The following AGAP1 variants were observed in gnomAD, a reference collection of about 807,000 sequenced individuals.
AGAP1 encodes the protein ArfGAP with GTPase domain, ankyrin repeat and PH domain 1.
AGAP1 carries 29 observed loss-of-function variants against 105.3 expected under a neutral mutation model. The ratio of observed to expected loss-of-function variants is 0.28; its 90% CI spans 0.21 to 0.38. The LOEUF is 0.38. Among genes scored for constraint, AGAP1 ranks in the 10% least tolerant of loss-of-function variants. AGAP1 has a pLI of 1.00. For missense variants in AGAP1, 998 were observed against 1,165.1 expected (o/e 0.86, Z 2.09); for synonymous variants, 509 against 485.9 (o/e 1.05, Z -0.63).
chr2:235,866,876 C>T lies in AGAP1; in HGVS notation c.1051-16469C>T, dbSNP rs2049195296. On this transcript the variant is annotated intron_variant, in intron 9 of 17. Coordinates refer to ENST00000304032, the MANE Select transcript of AGAP1 (RefSeq NM_001037131.3). The surrounding 1 kb of genome is among the most constrained non-coding windows in gnomAD (Gnocchi z 6.1). The stretch of plus-strand genomic sequence containing the variant: ...ACAGTCATATTGGATTAGGGCCCAT[C>T]CTAACAGCCTTATTTTAACATAATT... 6.6e-6 allele frequency among the ~76,000 whole-genome samples: 1 copy of T among 152,194 alleles called. No homozygotes were observed. Among genetic ancestry groups the T allele is most frequent in the Non-Finnish European group, 1.5e-5 (1 of 68,048 alleles).
chr2:235,508,569 T>C (rs942892613), intron 1 of AGAP1, among the ~76,000 whole-genome samples: 2 of 152,116 alleles, frequency 1.3e-5, no homozygotes, highest in Non-Finnish European at 2.9e-5. Flanking sequence ...ACGGTTTTGA[T>C]TACATGAGGA....
In AGAP1 at chr2:235,877,162, C is replaced by G. The variant is rs896107912; in HGVS notation, c.1051-6183C>G. On this transcript the variant is annotated intron_variant, in intron 9 of 17. Transcript: ENST00000304032. The surrounding 1 kb of genome is among the most constrained non-coding windows in gnomAD (Gnocchi z 4.3). ...GCCCTGCCAGAGCCATTTAAAAGAA[C>G]AAAAATCTCATGAATCCTTCAACAT... Among the ~76,000 whole-genome samples the G allele has an allele frequency of 2.6e-5, 4 of 151,954 alleles. No individual in the cohort carries two copies. The highest frequency in any genetic ancestry group is 5.9e-5 in the Non-Finnish European group (4 of 67,988).
Position 235,622,665 on chromosome 2 carries a change from A to G in AGAP1, c.164-86514A>G, listed in dbSNP as rs1273634865. Among the ~76,000 whole-genome samples the G allele has an allele frequency of 1.3e-5, 2 of 152,268 alleles. No individual in the cohort carries two copies. The highest frequency in any genetic ancestry group is 1.9e-4 in the East Asian group (1 of 5,180). Reference sequence around the variant, plus strand: ...GGAGCCCTGGCTGGATCAGAAGCACATGGTTCAGTGGACACTGTCAGAGGT... The same window carrying G: ...GGAGCCCTGGCTGGATCAGAAGCACGTGGTTCAGTGGACACTGTCAGAGGT... On this transcript the variant is annotated intron_variant, in intron 1 of 17. Transcript: ENST00000304032. The surrounding 1 kb of genome is among the most constrained non-coding windows in gnomAD (Gnocchi z 5.0).
At chr2:235,775,928 T>A (rs2149888447) in intron 6 of AGAP1, 1 of 152,334 alleles carries the variant, frequency 6.6e-6, no homozygotes, top group East Asian at 1.9e-4. Flanking sequence ...TTTAAGCGTT[T>A]AAGTTTTTCC....
rs1944684680 is a variant in AGAP1, at chr2:235,574,940, T to G, written c.163+80091T>G. ...GAGTTCGACACCAGCCTAGGCAACA[T>G]GGCAAAGCCCTGACTCTTCCAAACA... On this transcript the variant is annotated intron_variant, in intron 1 of 17. Transcript: ENST00000304032. The surrounding 1 kb of genome is among the most constrained non-coding windows in gnomAD (Gnocchi z 5.0). 6.6e-6 allele frequency among the ~76,000 whole-genome samples: 1 copy of G among 152,110 alleles called. No individual in the cohort carries two copies. Among genetic ancestry groups the G allele is most frequent in the African/African-American group, 2.4e-5 (1 of 41,414 alleles).
rs138066301 is a variant in AGAP1 at position 236,062,002 on chromosome 2, G to A, written c.2114+12721G>A. On this transcript the variant is annotated intron_variant, in intron 16 of 17. Transcript: ENST00000304032. The surrounding 1 kb of genome is among the most constrained non-coding windows in gnomAD (Gnocchi z 4.2). ...TGCTGGGTGGCGGGGGCCTGGGTGC[G>A]GGCCGAGGGCTGGCGTGGCTGCCCC... Among the ~76,000 whole-genome samples the A allele has an allele frequency of 1.4e-4, 21 of 152,294 alleles. No homozygotes were observed. In the East Asian group the frequency reaches 2.3e-3, roughly 17 times the overall value.
In AGAP1 at chr2:235,494,580, C is replaced by A; in HGVS notation, c.-107C>A. 1 of 274,436 alleles carries A rather than the reference C, an allele frequency of 3.6e-6. No individual in the cohort carries two copies. The highest frequency in any genetic ancestry group is 5.4e-6 in the Non-Finnish European group (1 of 186,194). 17.0% of individuals were successfully genotyped at this position (274,436 alleles called of 1,614,324 possible). ...GCCTCCTCCGCCCGCCGCCGGCGGG[C>A]CCGGCTCCCCGGGGGCTGCGGCGCC... On this transcript the variant is annotated 5_prime_UTR_variant, in exon 1 of 18. Transcript: ENST00000304032.
chr2:236,066,171 T>C lies in AGAP1; in HGVS notation c.2114+16890T>C, dbSNP rs188912304. 5.7e-3 allele frequency among the ~76,000 whole-genome samples: 870 copies of C among 152,364 alleles called. 7 individuals are homozygous for C. The highest frequency in any genetic ancestry group is 0.02 in the African/African-American group (822 of 41,592). On this transcript the variant is annotated intron_variant, in intron 16 of 17. Transcript: ENST00000304032. ...ACACATGGGCCTCAGGAAGCCCTGATTTGCAGGCTGCAGTGAATGCACAAA... is the reference window on the plus strand; with the variant it reads ...ACACATGGGCCTCAGGAAGCCCTGACTTGCAGGCTGCAGTGAATGCACAAA...
chr2:235,991,668 C>A (rs1260626248), intron 13 of AGAP1, among the ~76,000 whole-genome samples: 1 of 152,168 alleles, frequency 6.6e-6, no homozygotes, highest in Non-Finnish European at 1.5e-5. Flanking sequence ...TAATACTGGG[C>A]GTTCTTTCTA....
chr2:235,545,038 A>T (rs1943577426), intron 1 of AGAP1, among the ~76,000 whole-genome samples: 1 of 152,168 alleles, frequency 6.6e-6, no homozygotes, highest in African/African-American at 2.4e-5. Flanking sequence ...CAATTTTCTG[A>T]ACCTTCCGTC....
At chr2:235,944,103 A>T (rs565163396) in intron 12 of AGAP1, among the ~76,000 whole-genome samples, 1 of 152,362 alleles carries the variant, frequency 6.6e-6, no homozygotes, top group East Asian at 1.9e-4. Flanking sequence ...TTATTTCTGC[A>T]GCGGGATTTT....
rs370857853 is a variant in AGAP1, at chr2:235,704,435, C to G, written c.164-4744C>G. Among the ~76,000 whole-genome samples the G allele has an allele frequency of 3.6e-3, 544 of 152,292 alleles. 3 individuals carry two copies. Among genetic ancestry groups the G allele is most frequent in the African/African-American group, 0.012 (505 of 41,562 alleles). On this transcript the variant is annotated intron_variant, in intron 1 of 17. Transcript: ENST00000304032. ...GGCCGAGGCCAGCGGATCACGAGGT[C>G]AGGAGATCGAGACCATCCTGGCCAA...
chr2:236,008,672 G>A (rs754324385), intron 13 of AGAP1, among the ~76,000 whole-genome samples: 9 of 152,226 alleles, frequency 5.9e-5, no homozygotes, highest in African/African-American at 1.7e-4. Context: ...GTCTTGCTTC[G>A]TTTTTATTTT....
In AGAP1 at chr2:235,769,118, G is replaced by A. The variant is rs1042348233; in HGVS notation, c.673+18630G>A. Among the ~76,000 whole-genome samples, 4 of 152,128 alleles carry A rather than the reference G, an allele frequency of 2.6e-5. No individual in the cohort carries two copies. The highest frequency in any genetic ancestry group is 5.9e-5 in the Non-Finnish European group (4 of 68,028). On this transcript the variant is annotated intron_variant, in intron 6 of 17. Transcript: ENST00000304032. The surrounding 1 kb of genome is among the most constrained non-coding windows in gnomAD (Gnocchi z 4.4). ...TTTTCTCAGATATTTTGTTTTCCTG[G>A]GTATTTTCCCTCTTCTGGGTTCTTA... is the stretch of plus-strand genomic sequence containing the variant.
intron 11 of AGAP1, among the ~76,000 whole-genome samples, chr2:235,913,563 T>C (rs947788230): frequency 6.6e-6 from 1 of 152,240 alleles, no homozygotes; most frequent in African/African-American, 2.4e-5. Context: ...GTCCCTGCAT[T>C]GTCTTACCTT....
chr2:236,103,913 C>A (rs542070330), intron 16 of AGAP1, among the ~76,000 whole-genome samples: 66 of 152,358 alleles, frequency 4.3e-4, no homozygotes, highest in African/African-American at 1.6e-3. Flanking sequence ...TGGCTCCTGT[C>A]CCCACCCTGC....
At chr2:236,013,888 C>T (rs939503555) in intron 13 of AGAP1, among the ~76,000 whole-genome samples, 4 of 152,258 alleles carry the variant, frequency 2.6e-5, no homozygotes, top group East Asian at 1.9e-4. Context: ...TCCTGAAGGG[C>T]GGAGAGAATG....
At chr2:235,742,073 GC>G (rs2149667742) in intron 4 of AGAP1, among the ~76,000 whole-genome samples, 1 of 152,306 alleles carries the variant, frequency 6.6e-6, no homozygotes, top group Admixed American at 6.5e-5. Context: ...CTTCAAAGGA[GC>G]CGAGAGCTGG....
intron 1 of AGAP1, among the ~76,000 whole-genome samples, chr2:235,677,583 A>G (rs1137686): frequency 0.19 from 28,376 of 152,042 alleles, 3,140 homozygotes; most frequent in Admixed American, 0.34. Context: ...GTCAACACAC[A>G]GGAATGCTCC....
Sources: gnomAD v4.1 joint callset for allele counts (sites outside exome capture counted in the v4.1 genomes callset) on GRCh38, gnomAD v4.1.1 for gene constraint, Gnocchi (gnomAD v3.1) non-coding constraint, MANE v1.5 for transcripts, NCBI Gene and HGNC (gene_info 2026-07-23, HGNC 2026-07-21) for gene names.